ARID1B: variants seen among roughly 807,000 people sequenced by gnomAD.
ARID1B encodes the protein AT-rich interactive domain-containing protein 1B.
In ARID1B, 30 loss-of-function variants were observed where a neutral mutation model predicts 212.3. The observed-to-expected ratio is 0.14, with a 90% CI of 0.11 to 0.19. The LOEUF (loss-of-function observed/expected upper bound fraction) is 0.19, where lower values mean the gene tolerates loss of function less well. ARID1B is among the 10% of genes least tolerant of loss of function. ARID1B has a pLI of 1.00. For synonymous variants in ARID1B, 1,402 were observed against 1,301.7 expected, an observed-to-expected ratio of 1.08 and a Z score of -1.66; for missense variants, 2,891 against 3,204.0, an observed-to-expected ratio of 0.90 and a Z score of 2.36.
chr6:156,794,507 T>TGGCCTGGGA (rs1352756087), intron 1 of ARID1B, among the ~76,000 whole-genome samples: 1 of 151,578 alleles, frequency 6.6e-6, no homozygotes, highest in Non-Finnish European at 1.5e-5. Context: ...CCTCCTGCCT[T>TGGCCTGGGA]GGCCTGGGAG....
intron 2 of ARID1B, among the ~76,000 whole-genome samples, chr6:156,888,981 G>A (rs143027347): frequency 1.3e-5 from 2 of 152,310 alleles, no homozygotes; most frequent in African/African-American, 4.8e-5. Context: ...AAAAGTGAGT[G>A]TGGCTCTTTT....
intron 4 of ARID1B, among the ~76,000 whole-genome samples, chr6:156,979,375 C>A (rs1777465893): frequency 6.6e-6 from 1 of 152,130 alleles, no homozygotes; most frequent in African/African-American, 2.4e-5. Flanking sequence ...TCATATCCTG[C>A]CATGGGGAGA....
At chr6:157,178,893 G>C (rs1222719094) in intron 11 of ARID1B, among the ~76,000 whole-genome samples, 1 of 152,152 alleles carries the variant, frequency 6.6e-6, no homozygotes, top group Non-Finnish European at 1.5e-5. Flanking sequence ...CCACTCCCCA[G>C]TTTCAGTTTA....
chr6:156,813,049 C>A (rs535154300), intron 1 of ARID1B, among the ~76,000 whole-genome samples: 1 of 139,664 alleles, frequency 7.2e-6, no homozygotes, highest in South Asian at 2.2e-4. Flanking sequence ...TATACACATA[C>A]GTATGTATAT....
intron 3 of ARID1B, among the ~76,000 whole-genome samples, chr6:156,907,739 A>C (rs1368586615): frequency 1.4e-5 from 2 of 142,494 alleles, no homozygotes; most frequent in Non-Finnish European, 3.0e-5. Flanking sequence ...TCTACTAAAA[A>C]TGCAAAAAAA....
In ARID1B at chr6:157,200,468, A is replaced by G. The variant is rs377078779; in HGVS notation, c.4480-237A>G. ...AAGGAGAGGAGGCTTTTTTTTTTCC[A>G]CAGGAAGTTTCAAACACGTGAAAAC... On this transcript the variant is annotated intron_variant, in intron 17 of 19. Coordinates refer to ENST00000636930, the MANE Select transcript of ARID1B (RefSeq NM_001374828.1). This position sits in a 1 kb window ranked among gnomAD's most constrained non-coding sequence, Gnocchi z 4.3. Among the ~76,000 whole-genome samples, 1 of 150,656 alleles carries G rather than the reference A, an allele frequency of 6.6e-6. No homozygotes were observed. The highest frequency in any genetic ancestry group is 1.9e-4 in the East Asian group (1 of 5,152).
At position 157,148,254 on chromosome 6, in the gene ARID1B, C is replaced by T. The variant is rs1449669767; in HGVS notation, c.2762-370C>T. Among the ~76,000 whole-genome samples, 1 of 152,010 alleles carries T rather than the reference C, an allele frequency of 6.6e-6. No individual in the cohort carries two copies. Among genetic ancestry groups the T allele is most frequent in the Non-Finnish European group, 1.5e-5 (1 of 68,004 alleles). On this transcript the variant is annotated intron_variant, in intron 7 of 19. Coordinates refer to ENST00000636930, the MANE Select transcript of ARID1B (RefSeq NM_001374828.1). This position sits in a 1 kb window ranked among gnomAD's most constrained non-coding sequence, Gnocchi z 5.6. ...GTGGTGTGATCTCAAGAGTGGTGCTCACCATTTTGGTTAAAATATAAGAAT... is the reference window on the plus strand; with the variant it reads ...GTGGTGTGATCTCAAGAGTGGTGCTTACCATTTTGGTTAAAATATAAGAAT...
At chr6:157,079,974 G>C (rs542186222) in intron 4 of ARID1B, among the ~76,000 whole-genome samples, 1 of 152,146 alleles carries the variant, frequency 6.6e-6, no homozygotes, top group South Asian at 2.1e-4. Flanking sequence ...CTGAACTGGC[G>C]TTTTAACCTG....
chr6:156,913,086 A>G lies in ARID1B; in HGVS notation c.2136+11561A>G, dbSNP rs543664848. On this transcript the variant is annotated intron_variant, in intron 3 of 19. Coordinates refer to ENST00000636930, the MANE Select transcript of ARID1B (RefSeq NM_001374828.1). Reference sequence around the variant, plus strand: ...AAATTGTATGTATTTACTGTGTACAATGTGATGTTTTGAAGTATATATACT... The same window carrying G: ...AAATTGTATGTATTTACTGTGTACAGTGTGATGTTTTGAAGTATATATACT... Among the ~76,000 whole-genome samples, 424 of 151,292 alleles carry G rather than the reference A, an allele frequency of 2.8e-3. 2 individuals carry two copies. Among genetic ancestry groups the G allele is most frequent in the Non-Finnish European group, 3.4e-3 (230 of 67,886 alleles).
intron 4 of ARID1B, among the ~76,000 whole-genome samples, chr6:156,944,985 C>G (rs1436096233): frequency 6.8e-6 from 1 of 147,104 alleles, no homozygotes; most frequent in African/African-American, 2.5e-5. Flanking sequence ...TGTAGTGGCT[C>G]GATCTCGGCT....
intron 16 of ARID1B, among the ~76,000 whole-genome samples, chr6:157,198,082 T>G (rs1793853442): frequency 6.6e-6 from 1 of 152,252 alleles, no homozygotes; most frequent in Non-Finnish European, 1.5e-5. Flanking sequence ...AAATCTATTG[T>G]CTTTTAAAAC....
intron 3 of ARID1B, among the ~76,000 whole-genome samples, chr6:156,933,891 G>A (rs1791952344): frequency 6.6e-6 from 1 of 152,150 alleles, no homozygotes; most frequent in Non-Finnish European, 1.5e-5. Flanking sequence ...CCAACACTAG[G>A]CTGGTTAAAT....
At chr6:157,117,612 G>T (rs1413637785) in intron 6 of ARID1B, among the ~76,000 whole-genome samples, 1 of 152,210 alleles carries the variant, frequency 6.6e-6, no homozygotes, top group Non-Finnish European at 1.5e-5. Context: ...CCCCATGTCG[G>T]CAGCAGGCTG....
chr6:156,970,073 GTTGTT>G (rs1423096191), intron 4 of ARID1B, among the ~76,000 whole-genome samples: 10 of 146,808 alleles, frequency 6.8e-5, no homozygotes, highest in South Asian at 2.4e-4. Flanking sequence ...TGTTTTGTTT[GTTGTT>G]TTGTTTTGTT....
At chr6:157,034,234 T>C (rs1781181516) in intron 4 of ARID1B, among the ~76,000 whole-genome samples, 1 of 152,266 alleles carries the variant, frequency 6.6e-6, no homozygotes, top group African/African-American at 2.4e-5. Flanking sequence ...AAACTCATTT[T>C]CTTATGACAT....
chr6:156,869,762 G>A (rs939882160), intron 2 of ARID1B, among the ~76,000 whole-genome samples: 12 of 152,128 alleles, frequency 7.9e-5, no homozygotes, highest in African/African-American at 2.7e-4. Flanking sequence ...AATTTTATAT[G>A]CCCATTGAGA....
chr6:156,879,909 C>G (rs1382739580), intron 2 of ARID1B, among the ~76,000 whole-genome samples: 1 of 152,192 alleles, frequency 6.6e-6, no homozygotes, highest in Non-Finnish European at 1.5e-5. Context: ...AAAAGCAAAG[C>G]AAAAACTGCA....
chr6:156,855,522 A>C (rs1784854590), intron 2 of ARID1B, among the ~76,000 whole-genome samples: 1 of 152,246 alleles, frequency 6.6e-6, no homozygotes, highest in Admixed American at 6.5e-5. Flanking sequence ...CTTTTCTGAC[A>C]AAATATCACA....
chr6:156,929,790 A>G (rs1236343577), intron 3 of ARID1B, among the ~76,000 whole-genome samples: 1 of 152,170 alleles, frequency 6.6e-6, no homozygotes, highest in Non-Finnish European at 1.5e-5. Flanking sequence ...GCTGGCATCT[A>G]GAGGCCTCCT....
Sources: allele counts gnomAD v4.1 joint callset (sites outside exome capture counted in the v4.1 genomes callset), GRCh38; gene constraint gnomAD v4.1.1; non-coding constraint Gnocchi (gnomAD v3.1); transcripts MANE v1.5; gene names NCBI Gene and HGNC (gene_info 2026-07-23, HGNC 2026-07-21).